The following CEP57L1 variants were observed in gnomAD, a reference collection of about 807,000 sequenced individuals.
CEP57L1 encodes the protein centrosomal protein CEP57L1.
A neutral mutation model predicts 61.0 loss-of-function variants in CEP57L1; 37 were observed. The observed-to-expected ratio is 0.61, with a 90% CI of 0.47 to 0.80. The LOEUF is 0.80. CEP57L1 is among the 30% of genes least tolerant of loss of function. The pLI is 0.00. For missense variants in CEP57L1, 422 were observed against 524.7 expected (o/e 0.80, Z 1.91); for synonymous variants, 137 against 162.3 (o/e 0.84, Z 1.19).
At chr6:109,141,248 C>A (rs1055739302) in intron 1 of CEP57L1, among the ~76,000 whole-genome samples, 9 of 152,182 alleles carry the variant, frequency 5.9e-5, no homozygotes, top group African/African-American at 1.9e-4. Flanking sequence ...CACAGTCTCA[C>A]ATTGTTGCCT....
intron 1 of CEP57L1, among the ~76,000 whole-genome samples, chr6:109,144,812 A>G (rs961445398): frequency 3.3e-5 from 5 of 152,080 alleles, no homozygotes; most frequent in African/African-American, 7.2e-5. Context: ...GAATCAGTGT[A>G]TATTGTTGGT....
chr6:109,125,833 T>G (rs1371159816), intron 1 of CEP57L1, among the ~76,000 whole-genome samples: 3 of 152,076 alleles, frequency 2.0e-5, no homozygotes, highest in Middle Eastern at 3.2e-3. Flanking sequence ...TGAAACCCTT[T>G]CAAAATCACT....
chr6:109,110,349 G>C (rs1771452318), intron 1 of CEP57L1, among the ~76,000 whole-genome samples: 1 of 152,192 alleles, frequency 6.6e-6, no homozygotes, highest in African/African-American at 2.4e-5. Flanking sequence ...CTTTTGAGAA[G>C]TGTCTGTTCA....
intron 1 of CEP57L1, among the ~76,000 whole-genome samples, chr6:109,122,637 C>G (rs1035951221): frequency 5.3e-5 from 8 of 152,022 alleles, no homozygotes; most frequent in African/African-American, 1.9e-4. Context: ...CCCATCTCTA[C>G]TAAAGATACA....
At chr6:109,108,373 C>G (rs1410387940) in intron 1 of CEP57L1, among the ~76,000 whole-genome samples, 4 of 151,874 alleles carry the variant, frequency 2.6e-5, no homozygotes, top group Non-Finnish European at 5.9e-5. Context: ...CCACCACGCC[C>G]TGCTAATTTT....
intron 1 of CEP57L1, chr6:109,130,645 C>A (rs1264061380): frequency 1.3e-5 from 2 of 150,174 alleles, no homozygotes; most frequent in Non-Finnish European, 3.0e-5. Context: ...AGAAAACAAC[C>A]CCCTCTCTGC....
intron 1 of CEP57L1, among the ~76,000 whole-genome samples, chr6:109,126,013 A>G (rs1451124578): frequency 6.6e-6 from 1 of 152,150 alleles, no homozygotes; most frequent in Admixed American, 6.6e-5. Flanking sequence ...GTATTTACTG[A>G]TTTGCTGGGT....
In CEP57L1 at chr6:109,111,310, C is replaced by T. The variant is rs552264089; in HGVS notation, c.-4+15735C>T. On this transcript the variant is annotated intron_variant, in intron 1 of 10. Transcript: ENST00000517392. ...GCAATTGTGAATGGGAGTTCACTCA[C>T]GATTTGGCTCTCTGTCTGTTATTGG... 5.8e-3 allele frequency among the ~76,000 whole-genome samples: 882 copies of T among 152,106 alleles called. 4 individuals are homozygous for T. The highest frequency in any genetic ancestry group is 0.014 in the Middle Eastern group (4 of 294).
In CEP57L1 at chr6:109,168,653, T is replaced by C. The variant is rs1774249722; in HGVS notation, c.*5683T>C. Among the ~76,000 whole-genome samples the C allele has an allele frequency of 6.9e-6, 1 of 144,614 alleles. No individual in the cohort carries two copies. The highest frequency in any genetic ancestry group is 1.5e-5 in the Non-Finnish European group (1 of 66,832). 94.9% of individuals were successfully genotyped at this position (144,614 alleles called of 152,430 possible). A position where few individuals can be genotyped will look rare whatever the true frequency, so the allele number is the denominator to read the frequency against. ...CTCCTTCACCCAGGCTGGAGTGCAA[T>C]GGTACAATCTCGTCTCACTGCAACC... On this transcript the variant is annotated 3_prime_UTR_variant, in exon 11 of 11. Coordinates refer to ENST00000517392, the MANE Select transcript of CEP57L1 (RefSeq NM_001271852.3).
chr6:109,104,039 T>A (rs1330890363), intron 1 of CEP57L1, among the ~76,000 whole-genome samples: 1 of 150,802 alleles, frequency 6.6e-6, no homozygotes, highest in South Asian at 2.1e-4. Context: ...CTTTAGTTTT[T>A]GTTTTTTTTT....
rs143850160 is a variant in CEP57L1, at chr6:109,169,940, A to G, written c.*6970A>G. ...AACATGTCATCTTACTCAGCAATCAACCTGATTGAATATTTTAAAATGAAT... is the reference window on the plus strand; with the variant it reads ...AACATGTCATCTTACTCAGCAATCAGCCTGATTGAATATTTTAAAATGAAT... On this transcript the variant is annotated 3_prime_UTR_variant, in exon 11 of 11. Coordinates refer to ENST00000517392, the MANE Select transcript of CEP57L1 (RefSeq NM_001271852.3). Among the ~76,000 whole-genome samples, 1 of 152,318 alleles carries G rather than the reference A, an allele frequency of 6.6e-6. No individual in the cohort carries two copies. Among genetic ancestry groups the G allele is most frequent in the East Asian group, 1.9e-4 (1 of 5,188 alleles).
At chr6:109,136,705 A>T (rs897698153) in intron 1 of CEP57L1, among the ~76,000 whole-genome samples, 3 of 78,676 alleles carry the variant, frequency 3.8e-5, no homozygotes, top group African/African-American at 5.6e-5. Context: ...TTGTATTTTT[A>T]TTTTATTTTA....
chr6:109,132,875 T>C (rs1001680161), intron 1 of CEP57L1, among the ~76,000 whole-genome samples: 1 of 152,200 alleles, frequency 6.6e-6, no homozygotes, highest in African/African-American at 2.4e-5. Context: ...TCTTTTCCTA[T>C]ATTTATAAGC....
chr6:109,128,320 G>A (rs1773810667), intron 1 of CEP57L1, among the ~76,000 whole-genome samples: 1 of 152,052 alleles, frequency 6.6e-6, no homozygotes, highest in African/African-American at 2.4e-5. Flanking sequence ...CAAAAATTTT[G>A]AGGAGTATTT....
intron 1 of CEP57L1, among the ~76,000 whole-genome samples, chr6:109,109,215 A>C (rs150473254): frequency 1.0e-3 from 158 of 152,310 alleles, no homozygotes; most frequent in Non-Finnish European, 2.1e-3. Context: ...GTTCTGTGGA[A>C]TGCTAATCTC....
chr6:109,162,505 T>G (rs1295082317), intron 10 of CEP57L1, among the ~76,000 whole-genome samples: 1 of 152,072 alleles, frequency 6.6e-6, no homozygotes, highest in African/African-American at 2.4e-5. Flanking sequence ...CATATGTGCT[T>G]TTTTTCACTA....
intron 1 of CEP57L1, among the ~76,000 whole-genome samples, chr6:109,119,760 G>A (rs970407059): frequency 2.5e-4 from 38 of 152,134 alleles, no homozygotes; most frequent in African/African-American, 8.9e-4. Context: ...GGTTTGTGCA[G>A]GAGCAGTATA....
chr6:109,160,491 G>A lies in CEP57L1; in HGVS notation c.1017-81G>A. On this transcript the variant is annotated intron_variant, in intron 9 of 10. Coordinates refer to ENST00000517392, the MANE Select transcript of CEP57L1 (RefSeq NM_001271852.3). ...TTAACTCTGACTAAAATTTATGATT[G>A]AACAGAAAATTGCTTAATTATGGCA... 1.8e-6 allele frequency: 2 copies of A among 1,130,790 alleles called. 1 individual carries two copies. Among genetic ancestry groups the A allele is most frequent in the South Asian group, 3.0e-5 (2 of 67,086 alleles). 70.0% of individuals were successfully genotyped at this position (1,130,790 alleles called of 1,614,324 possible).
chr6:109,149,202 T>C (rs528819552), intron 3 of CEP57L1, among the ~76,000 whole-genome samples: 2 of 152,362 alleles, frequency 1.3e-5, no homozygotes, highest in Admixed American at 6.5e-5. Flanking sequence ...CCCATGCCTA[T>C]GTCCTGAATG....
Sources: allele counts gnomAD v4.1 joint callset (sites outside exome capture counted in the v4.1 genomes callset), GRCh38; gene constraint gnomAD v4.1.1; transcripts MANE v1.5; gene names NCBI Gene and HGNC (gene_info 2026-07-23, HGNC 2026-07-21).